Variants in PHACTR1 observed in about 807,000 individuals in gnomAD.
PHACTR1 encodes the protein RPEL repeat containing 1.
Under a neutral mutation model 69.2 loss-of-function variants are expected in PHACTR1, and 16 were observed. That is an observed-to-expected ratio of 0.23 (90% CI 0.16 to 0.35). The LOEUF is 0.35. Among genes scored for constraint, PHACTR1 ranks in the 10% least tolerant of loss-of-function variants. PHACTR1 has a pLI of 1.00. For synonymous variants in PHACTR1, 312 were observed against 284.5 expected, an observed-to-expected ratio of 1.10 and a Z score of -0.97; for missense variants, 510 against 734.7, an observed-to-expected ratio of 0.69 and a Z score of 3.54.
chr6:13,001,764 G>T (rs756326672), intron 4 of PHACTR1, among the ~76,000 whole-genome samples: 1 of 152,222 alleles, frequency 6.6e-6, no homozygotes, highest in Admixed American at 6.5e-5. Context: ...TGGTGTGAAA[G>T]CTTTGTGTTT....
At position 12,956,231 on chromosome 6, in the gene PHACTR1, C is replaced by G. The variant is rs539625313; in HGVS notation, c.251-97134C>G. ...CGCTGGCTGGGAGAAGATTGGGAGC[C>G]GAGAGCTATGCAGATAGTTCATCTG... On this transcript the variant is annotated intron_variant, in intron 4 of 14. Transcript: ENST00000332995. 2.6e-5 allele frequency among the ~76,000 whole-genome samples: 4 copies of G among 152,274 alleles called. No homozygotes were observed. In the South Asian group the frequency reaches 8.3e-4, roughly 32 times the overall value.
At chr6:13,260,251 T>C (rs1775732501) in intron 10 of PHACTR1, among the ~76,000 whole-genome samples, 1 of 152,192 alleles carries the variant, frequency 6.6e-6, no homozygotes, top group South Asian at 2.1e-4. Flanking sequence ...ATCGTCAAGA[T>C]GGGGAACTCC....
intron 5 of PHACTR1, among the ~76,000 whole-genome samples, chr6:13,142,207 A>G (rs1266604711): frequency 6.6e-6 from 1 of 152,206 alleles, no homozygotes; most frequent in African/African-American, 2.4e-5. Context: ...GGTTCAAGCA[A>G]TTCTCCTGAC....
intron 6 of PHACTR1, among the ~76,000 whole-genome samples, chr6:13,171,184 C>G (rs1303858956): frequency 1.4e-5 from 2 of 146,438 alleles, no homozygotes; most frequent in Non-Finnish European, 3.0e-5. Context: ...CCCCACCCCA[C>G]TTCCGCCCAA....
chr6:12,934,533 T>C (rs756275645), intron 4 of PHACTR1, among the ~76,000 whole-genome samples: 2 of 152,140 alleles, frequency 1.3e-5, no homozygotes, highest in Non-Finnish European at 2.9e-5. Context: ...TCACCAGATG[T>C]GTTAAAACTC....
At chr6:12,895,690 A>G (rs1390284164) in intron 4 of PHACTR1, among the ~76,000 whole-genome samples, 1 of 152,206 alleles carries the variant, frequency 6.6e-6, no homozygotes, top group Non-Finnish European at 1.5e-5. Flanking sequence ...TTATCCAACA[A>G]AATGAAACCA....
Position 13,287,261 on chromosome 6 carries a change from C to T in PHACTR1, c.*183C>T. On this transcript the variant is annotated 3_prime_UTR_variant, in exon 15 of 15. Coordinates refer to ENST00000332995, the MANE Select transcript of PHACTR1 (RefSeq NM_030948.6). ...ATGTGTGAAAACGCAAAAGTGATGG[C>T]TCGGCGGTCCGAGCTGCTGGTCCCA... is the stretch of plus-strand genomic sequence containing the variant. The T allele has an allele frequency of 1.5e-6, 1 of 663,794 alleles. No homozygotes were observed. The highest frequency in any genetic ancestry group is 2.5e-6 in the Non-Finnish European group (1 of 401,428). The allele number at this position is 663,794 out of a possible 1,614,324, so 41.1% of individuals were successfully genotyped here.
intron 13 of PHACTR1, among the ~76,000 whole-genome samples, chr6:13,285,842 C>A (rs765682741): frequency 3.3e-5 from 5 of 152,116 alleles, no homozygotes; most frequent in Admixed American, 6.5e-5. Context: ...TCTTGGGCCC[C>A]CAGGAGTGTG....
intron 5 of PHACTR1, among the ~76,000 whole-genome samples, chr6:13,104,870 T>G (rs781179201): frequency 1.3e-5 from 2 of 152,228 alleles, no homozygotes; most frequent in Non-Finnish European, 2.9e-5. Flanking sequence ...CAAATTAATA[T>G]CATTCAAATT....
intron 10 of PHACTR1, among the ~76,000 whole-genome samples, chr6:13,263,018 G>A (rs966643137): frequency 2.6e-5 from 4 of 152,178 alleles, no homozygotes; most frequent in Admixed American, 2.0e-4. Flanking sequence ...ACGGCAGAAA[G>A]CCCATTAGCT....
chr6:13,063,049 A>G (rs1807926661), intron 5 of PHACTR1, among the ~76,000 whole-genome samples: 1 of 152,204 alleles, frequency 6.6e-6, no homozygotes, highest in Non-Finnish European at 1.5e-5. Context: ...ACAGAGTAAT[A>G]TAGTCTACTT....
intron 6 of PHACTR1, among the ~76,000 whole-genome samples, chr6:13,162,486 AC>A (rs1356432236): frequency 6.6e-6 from 1 of 150,404 alleles, no homozygotes; most frequent in African/African-American, 2.5e-5. Flanking sequence ...CCCCATATTC[AC>A]CCCCCAGGAG....
At position 12,901,786 on chromosome 6, in the gene PHACTR1, G is replaced by A. The variant is rs563241431; in HGVS notation, c.251-151579G>A. Among the ~76,000 whole-genome samples, 8 of 152,206 alleles carry A rather than the reference G, an allele frequency of 5.3e-5. No homozygotes were observed. The South Asian group carries it at 1.0e-3, about 20-fold the overall frequency. ...GCTGAGATTACAGGGGTGAGCCACCGCACCTGGCCCAAGCGTTTTTATATA... is the reference window on the plus strand; with the variant it reads ...GCTGAGATTACAGGGGTGAGCCACCACACCTGGCCCAAGCGTTTTTATATA... On this transcript the variant is annotated intron_variant, in intron 4 of 14. Transcript: ENST00000332995.
intron 4 of PHACTR1, among the ~76,000 whole-genome samples, chr6:12,839,923 C>CT (rs551918077): frequency 1.1e-4 from 16 of 151,568 alleles, no homozygotes; most frequent in Admixed American, 5.3e-4. Context: ...TTGACTTATA[C>CT]TTTTTTTTTA....
At chr6:12,957,161 A>G (rs1582689779) in intron 4 of PHACTR1, among the ~76,000 whole-genome samples, 1 of 151,276 alleles carries the variant, frequency 6.6e-6, no homozygotes, top group East Asian at 2.0e-4. Flanking sequence ...AGTTAGAATT[A>G]TATAATGGAA....
At chr6:12,928,025 T>C (rs1788456293) in intron 4 of PHACTR1, among the ~76,000 whole-genome samples, 1 of 152,108 alleles carries the variant, frequency 6.6e-6, no homozygotes, top group African/African-American at 2.4e-5. Flanking sequence ...TCAGCTCACA[T>C]TCAATTTCTG....
At chr6:12,959,935 G>T (rs1161311414) in intron 4 of PHACTR1, among the ~76,000 whole-genome samples, 1 of 152,180 alleles carries the variant, frequency 6.6e-6, no homozygotes, top group Non-Finnish European at 1.5e-5. Flanking sequence ...AATGCAGTTT[G>T]GATGCCAGGT....
At position 12,890,121 on chromosome 6, in the gene PHACTR1, T is replaced by A. The variant is rs371284166; in HGVS notation, c.250+140331T>A. Among the ~76,000 whole-genome samples, 7 of 152,160 alleles carry A rather than the reference T, an allele frequency of 4.6e-5. No homozygotes were observed. In the East Asian group the frequency reaches 7.7e-4, roughly 17 times the overall value. On this transcript the variant is annotated intron_variant, in intron 4 of 14. Transcript: ENST00000332995. Reference sequence around the variant, plus strand: ...CTACCAAATCAGCAGCAGCATTAGATTCTCATAGGAACGTGAACCCTATTG... The same window carrying A: ...CTACCAAATCAGCAGCAGCATTAGAATCTCATAGGAACGTGAACCCTATTG...
rs564884674 is a variant in PHACTR1, at chr6:13,188,739, T to A, written c.664+6053T>A. ...TGGGGAGAAGTTCTCTCATTCTCCC[T>A]GTCTGTCTTGCTTCATTTCTTGTTA... is the stretch of plus-strand genomic sequence containing the variant. On this transcript the variant is annotated intron_variant, in intron 7 of 14. Coordinates refer to ENST00000332995, the MANE Select transcript of PHACTR1 (RefSeq NM_030948.6). Among the ~76,000 whole-genome samples, 10 of 152,370 alleles carry A rather than the reference T, an allele frequency of 6.6e-5. No individual in the cohort carries two copies. In the East Asian group the frequency reaches 1.2e-3, roughly 18 times the overall value.
Sources: gnomAD v4.1 joint callset for allele counts (sites outside exome capture counted in the v4.1 genomes callset) on GRCh38, gnomAD v4.1.1 for gene constraint, MANE v1.5 for transcripts, NCBI Gene and HGNC (gene_info 2026-07-23, HGNC 2026-07-21) for gene names.